AKAP8: variants seen among roughly 807,000 people sequenced by gnomAD.
AKAP8 encodes the protein A-kinase anchoring protein 8, also known as A-kinase anchor protein 8.
In AKAP8, 24 loss-of-function variants were observed where a neutral mutation model predicts 67.5. The observed-to-expected ratio is 0.36, with a 90% CI of 0.26 to 0.50. AKAP8 has a LOEUF of 0.50. Among genes scored for constraint, AKAP8 ranks in the 20% least tolerant of loss-of-function variants. The probability of loss-of-function intolerance (pLI) is 0.97; values close to 1 mark genes in which losing one functional copy is unlikely to be tolerated. For synonymous variants in AKAP8, 400 were observed against 371.1 expected (o/e 1.08, Z -0.90); for missense variants, 971 against 955.9 (o/e 1.02, Z -0.21).
intron 7 of AKAP8, among the ~76,000 whole-genome samples, chr19:15,371,064 T>C (rs572822647): frequency 1.2e-4 from 19 of 152,304 alleles, no homozygotes; most frequent in South Asian, 4.1e-4. Flanking sequence ...AGATTCCTAA[T>C]CTCAAGACCA....
chr19:15,363,589 T>A (rs1367504073), intron 9 of AKAP8, among the ~76,000 whole-genome samples: 1 of 149,892 alleles, frequency 6.7e-6, no homozygotes, highest in African/African-American at 2.5e-5. Context: ...GAGGGGCGCC[T>A]CTGCCCGGCC....
rs201040301 is a variant in AKAP8, at chr19:15,373,951, G to C, written c.206C>G (p.Ala69Gly). 120 of 1,613,424 alleles carry C rather than the reference G, an allele frequency of 7.4e-5. No homozygotes were observed. The highest frequency in any genetic ancestry group is 1.7e-4 in the Middle Eastern group (1 of 5,906). The change falls in exon 4 of 14, where the codon GCG (alanine) becomes GGG (glycine). Residue 69 changes from alanine (A) to glycine (G), a missense_variant. This residue lies in a region of AKAP8 where 763 missense variants were observed against 745.4 expected (regional missense o/e 1.02). Coordinates refer to ENST00000269701, the MANE Select transcript of AKAP8 (RefSeq NM_005858.4). ...EAAKANDGGL[A>G]AGAPAMHMAS... is the part of the protein sequence containing the mutation. ...CATGTGCATGGCAGGGGCCCCGGCC[G>C]CCAGGCCGCCATCATTGGCCTTGGC... is the stretch of plus-strand genomic sequence containing the variant.
chr19:15,374,524 C>T (rs1277625809), intron 3 of AKAP8, 79 bp downstream of exon 3: 5 of 1,536,486 alleles, frequency 3.3e-6, no homozygotes, highest in Non-Finnish European at 2.7e-6. Context: ...GCCAGACCTC[C>T]CTGACGGGCT....
chr19:15,370,623 G>GCC (rs1967139073), intron 7 of AKAP8, among the ~76,000 whole-genome samples: 1 of 93,030 alleles, frequency 1.1e-5, no homozygotes, highest in South Asian at 3.6e-4. Flanking sequence ...TTTACCCAAT[G>GCC]TCTTTTTTTT....
intron 2 of AKAP8, among the ~76,000 whole-genome samples, chr19:15,376,192 T>C (rs767980971): frequency 9.9e-5 from 15 of 152,150 alleles, no homozygotes; most frequent in Admixed American, 2.6e-4. Context: ...AGTGCTGGGA[T>C]TGCAGGCGTG....
At chr19:15,377,594 G>A (rs899298989) in intron 1 of AKAP8, among the ~76,000 whole-genome samples, 14 of 152,038 alleles carry the variant, frequency 9.2e-5, no homozygotes, top group Admixed American at 8.5e-4. Flanking sequence ...TCAGCCTCCC[G>A]AGTAGCTGGG....
intron 1 of AKAP8, chr19:15,379,502 G>T (rs1002321988): frequency 2.0e-6 from 1 of 503,874 alleles, no homozygotes; most frequent in Non-Finnish European, 3.4e-6. Flanking sequence ...GCCTCCTCGG[G>T]GCCTGGCGGC....
chr19:15,373,337 G>A lies in AKAP8; in HGVS notation c.375C>T (p.Ser125=). ...GGEGIQDRES[S]FRFQPFESYD... Reference sequence around the variant, plus strand: ...AGGACTCGAACGGCTGGAAGCGGAAGGAGCTGCAACAGAAGCACAGCCCAT... The same window carrying A: ...AGGACTCGAACGGCTGGAAGCGGAAAGAGCTGCAACAGAAGCACAGCCCAT... The change falls in exon 5 of 14, where the codon TCC becomes TCT. Residue 125 remains serine (S), a synonymous_variant. Transcript: ENST00000269701. 1.9e-6 allele frequency: 3 copies of A among 1,604,954 alleles called. No homozygotes were observed. Among genetic ancestry groups the A allele is most frequent in the South Asian group, 2.2e-5 (2 of 89,804 alleles).
intron 13 of AKAP8, among the ~76,000 whole-genome samples, chr19:15,357,124 A>AT (rs923405254): frequency 2.7e-5 from 4 of 148,662 alleles, no homozygotes; most frequent in Admixed American, 6.7e-5. Context: ...CGCCTGGCTA[A>AT]TTTTTTTTTT....
At chr19:15,368,572 C>CA in intron 8 of AKAP8, 5 of 985,272 alleles carry the variant, frequency 5.1e-6, no homozygotes, top group Non-Finnish European at 4.8e-6. Flanking sequence ...GCTAGGGACA[C>CA]AGCCTGCCCA....
intron 1 of AKAP8, among the ~76,000 whole-genome samples, chr19:15,377,390 C>T (rs1967271293): frequency 6.6e-6 from 1 of 152,216 alleles, no homozygotes; most frequent in African/African-American, 2.4e-5. Context: ...GTTCAGAGTG[C>T]CATCACAAGT....
intron 12 of AKAP8, 134 bp downstream of exon 12, chr19:15,360,714 C>T (rs1966950258): frequency 3.5e-6 from 4 of 1,143,620 alleles, no homozygotes; most frequent in Admixed American, 6.4e-5. Flanking sequence ...AATCTTACGA[C>T]CCATCGATGG....
At chr19:15,358,578 CCAT>C (rs2145060651) in intron 13 of AKAP8, among the ~76,000 whole-genome samples, 1 of 152,218 alleles carries the variant, frequency 6.6e-6, no homozygotes, top group African/African-American at 2.4e-5. Flanking sequence ...AGTGGTAACA[CCAT>C]CACTCACTGT....
chr19:15,376,846 T>C (rs1018234477), intron 2 of AKAP8, 130 bp downstream of exon 2: 26 of 1,021,894 alleles, frequency 2.5e-5, no homozygotes, highest in African/African-American at 6.4e-5. Context: ...ATATTCACTA[T>C]CTGATCTTTT....
chr19:15,361,410 G>A (rs1479151308), intron 11 of AKAP8: 1 of 268,378 alleles, frequency 3.7e-6, no homozygotes, highest in Non-Finnish European at 7.2e-6. Context: ...GAGTGCAGTG[G>A]TGCAATCTTG....
rs2048268647 is a variant in AKAP8 at position 15,355,102 on chromosome 19, C to T, written c.1892G>A (p.Cys631Tyr). 2 of 1,613,888 alleles carry T rather than the reference C, an allele frequency of 1.2e-6. No individual in the cohort carries two copies. Among genetic ancestry groups the T allele is most frequent in the Non-Finnish European group, 1.7e-6 (2 of 1,180,050 alleles). Residue 631 changes from cysteine to tyrosine, a missense_variant, in exon 14 of 14, where the codon TGT becomes TAT. Cys to Tyr is a radical substitution (Grantham distance 194, BLOSUM62 -2). Transcript: ENST00000269701. ...AEQLLEEQVP[C>Y]GTAHEKGVPK... Reference sequence around the variant, plus strand: ...GACGCCCTTCTCATGTGCCGTTCCACAGGGCACCTGCTCTTCCAGCAGCTG... The same window carrying T: ...GACGCCCTTCTCATGTGCCGTTCCATAGGGCACCTGCTCTTCCAGCAGCTG...
intron 2 of AKAP8, among the ~76,000 whole-genome samples, chr19:15,374,883 G>A (rs1599572885): frequency 6.6e-6 from 1 of 152,200 alleles, no homozygotes; most frequent in Admixed American, 6.5e-5. Context: ...AAGGGACGCC[G>A]CACGCTCCCC....
chr19:15,360,135 A>AAAAAAAAC (rs763368307), intron 12 of AKAP8, among the ~76,000 whole-genome samples: 1 of 152,198 alleles, frequency 6.6e-6, no homozygotes, highest in East Asian at 1.9e-4. Flanking sequence ...AACTCCGTAA[A>AAAAAAAAC]AAAAAAACAA....
In AKAP8 at chr19:15,372,208, C is replaced by A. The variant is rs1568252915; in HGVS notation, c.991+10G>T. On this transcript the variant is annotated intron_variant, in intron 6 of 13. Transcript: ENST00000269701. ...ACATCTGTCTGGCCCACCTGGCCCC[C>A]AGGACATACCATTTTCGGAGAAATC... 1 of 1,613,964 alleles carries A rather than the reference C, an allele frequency of 6.2e-7. No homozygotes were observed. The highest frequency in any genetic ancestry group is 8.5e-7 in the Non-Finnish European group (1 of 1,179,988).
Sources: allele counts gnomAD v4.1 joint callset (sites outside exome capture counted in the v4.1 genomes callset), GRCh38; gene constraint gnomAD v4.1.1; regional missense constraint gnomAD v4.1.1; transcripts MANE v1.5; gene names NCBI Gene and HGNC (gene_info 2026-07-23, HGNC 2026-07-21).